The following ITGA10 variants were observed in gnomAD, a reference collection of about 807,000 sequenced individuals.
The protein encoded by ITGA10 is integrin alpha-10.
A neutral mutation model predicts 145.2 loss-of-function variants in ITGA10; 105 were observed. The observed-to-expected ratio is 0.72, with a 90% CI of 0.62 to 0.85. ITGA10 has a LOEUF of 0.85. ITGA10 is among the 40% of genes least tolerant of loss of function. ITGA10 has a pLI of 0.00. For synonymous variants in ITGA10, 506 were observed against 557.8 expected (o/e 0.91, Z 1.31); for missense variants, 1,317 against 1,444.5 (o/e 0.91, Z 1.43).
rs782328114 is a variant in ITGA10 at position 145,900,868 on chromosome 1, C to T, written c.1713G>A (p.Ala571=). The change falls in exon 14 of 30, where the codon GCG becomes GCA. Residue 571 remains alanine (A), a synonymous_variant. Coordinates refer to ENST00000369304, the MANE Select transcript of ITGA10 (RefSeq NM_003637.5). ...CTCCCTGGTGCCCATCTTCCAGAGG[C>T]GCCCCCACAGCCACATCAGCAAAAC... ...QDGFADVAVG[A]PLEDGHQGAL... 1.3e-5 allele frequency: 21 copies of T among 1,613,974 alleles called. No homozygotes were observed. Among genetic ancestry groups the T allele is most frequent in the East Asian group, 4.5e-5 (2 of 44,894 alleles).
chr1:145,907,483 T>C lies in ITGA10; in HGVS notation c.53-18A>G. 2 of 1,613,826 alleles carry C rather than the reference T, an allele frequency of 1.2e-6. No individual in the cohort carries two copies. Among genetic ancestry groups the C allele is most frequent in the Non-Finnish European group, 1.7e-6 (2 of 1,179,940 alleles). On this transcript the variant is annotated intron_variant, in intron 1 of 29. Transcript: ENST00000369304. ...GCAGAGACCTGTGGGGTCAGGATCA[T>C]AATGTTAGTATGAGGTAGTGAATGG...
chr1:145,904,751 CA>C lies in ITGA10; in HGVS notation c.541del (p.Trp181GlyfsTer12), dbSNP rs1656884964. On this transcript the variant is annotated frameshift_variant, in exon 6 of 30. Coordinates refer to ENST00000369304, the MANE Select transcript of ITGA10 (RefSeq NM_003637.5). LOFTEE classifies it high-confidence loss of function. ...TCGTAGGAAGGTCTGAACTTCAGACCAGGGGTAGATGCTGTTGGAGCCATCC... is the reference window on the plus strand; with the variant it reads ...TCGTAGGAAGGTCTGAACTTCAGACCGGGGTAGATGCTGTTGGAGCCATCC... ...VLDGSNSIYPWSEVQTFLRRL... is the reference protein window; with the variant it reads ...VLDGSNSIYPXSEVQTFLRRL... 1.2e-6 allele frequency: 2 copies of C among 1,613,822 alleles called. No homozygotes were observed. Among genetic ancestry groups the C allele is most frequent in the Admixed American group, 1.7e-5 (1 of 60,000 alleles).
In ITGA10 at chr1:145,901,626, G is replaced by T. The variant is rs782071962; in HGVS notation, c.1333C>A (p.Arg445Ser). ...CGAGGAGCCCCAGAGAGAAACAGGC[G>T]GCGTCCACCCCGCAAAAGCATGGAA... ...VSSMLLRGGRRLFLSGAPRFR... is the reference protein window; with the variant it reads ...VSSMLLRGGRSLFLSGAPRFR... The change falls in exon 12 of 30, where the codon CGC (arginine) becomes AGC (serine). Residue 445 changes from arginine to serine, a missense_variant. Physicochemically the swap from Arg to Ser is moderately radical, Grantham distance 110 (BLOSUM62 -1). Coordinates refer to ENST00000369304, the MANE Select transcript of ITGA10 (RefSeq NM_003637.5). This position sits in a 1 kb window ranked among gnomAD's most constrained non-coding sequence, Gnocchi z 4.3. The T allele has an allele frequency of 1.3e-6, 2 of 1,592,488 alleles. No individual in the cohort carries two copies. Among genetic ancestry groups the T allele is most frequent in the South Asian group, 2.3e-5 (2 of 87,830 alleles).
rs2101773403 is a variant in ITGA10 at position 145,898,137 on chromosome 1, C to A, written c.2319G>T (p.Glu773Asp). 4 of 1,613,958 alleles carry A rather than the reference C, an allele frequency of 2.5e-6. No homozygotes were observed. Among genetic ancestry groups the A allele is most frequent in the Non-Finnish European group, 3.4e-6 (4 of 1,179,920 alleles). The change falls in exon 18 of 30, where the codon GAG becomes GAT. Residue 773 changes from glutamate to aspartate, a missense_variant. Transcript: ENST00000369304. ...GCTTTTGTATAGAGGTGGGTGAGCC[C>A]TCATTCAGCACAGGCCCTGGCTTTG... ...NTTKPGPVLN[E>D]GSPTSIQKLV...
Position 145,895,984 on chromosome 1 carries a change from T to C in ITGA10, c.3032A>G (p.Asn1011Ser). 2 of 1,608,710 alleles carry C rather than the reference T, an allele frequency of 1.2e-6. No individual in the cohort carries two copies. Among genetic ancestry groups the C allele is most frequent in the Non-Finnish European group, 1.7e-6 (2 of 1,175,108 alleles). The change falls in exon 25 of 30, where the codon AAT becomes AGT. Residue 1011 changes from asparagine to serine, a missense_variant and splice_region_variant. Coordinates refer to ENST00000369304, the MANE Select transcript of ITGA10 (RefSeq NM_003637.5). The part of the protein sequence containing the change: ...FLSLSQVITN[N>S]ASCIVQNLTE... Reference sequence around the variant, plus strand: ...CATGCCCTCCTAGACCAGACTCACATTGTTAGTGATGACTTGAGACAGTGA... The same window carrying C: ...CATGCCCTCCTAGACCAGACTCACACTGTTAGTGATGACTTGAGACAGTGA...
intron 1 of ITGA10, among the ~76,000 whole-genome samples, chr1:145,908,070 A>C (rs184742730): frequency 2.0e-5 from 3 of 151,634 alleles, no homozygotes; most frequent in Admixed American, 2.0e-4. Flanking sequence ...GCGCCTGGCT[A>C]CTCTTTTCCA....
intron 1 of ITGA10, among the ~76,000 whole-genome samples, chr1:145,908,296 C>G (rs1553752058): frequency 6.6e-6 from 1 of 152,172 alleles, no homozygotes; most frequent in Non-Finnish European, 1.5e-5. Flanking sequence ...TTTCCAATGT[C>G]TAGGTCCCTG....
chr1:145,907,671 G>A, intron 1 of ITGA10: 3 of 866,930 alleles, frequency 3.5e-6, no homozygotes, highest in East Asian at 1.2e-4. Flanking sequence ...TGCCTAAACT[G>A]TGGCCCTCTG....
At chr1:145,898,835 G>C in intron 17 of ITGA10, 101 bp downstream of exon 17, 2 of 1,392,906 alleles carry the variant, frequency 1.4e-6, no homozygotes, top group East Asian at 2.3e-5. Flanking sequence ...TCATTTTCCC[G>C]GCTTTGGCTT....
At chr1:145,909,421 A>AT (rs200728420) in intron 1 of ITGA10, among the ~76,000 whole-genome samples, 8,201 of 140,592 alleles carry the variant, frequency 0.058, 1,118 homozygotes, top group African/African-American at 0.22. Context: ...AAAAATAATA[A>AT]TAATTATTAT....
rs782801868 is a variant in ITGA10 at position 145,904,101 on chromosome 1, G to A, written c.709C>T (p.Arg237Trp). The A allele has an allele frequency of 1.1e-5, 17 of 1,613,938 alleles. No homozygotes were observed. The highest frequency in any genetic ancestry group is 8.9e-5 in the East Asian group (4 of 44,886). ...GTCTTTGTTTCTCGTCCCTCCCGCC[G>A]ACTGAGGTTCTTTGCTGCTCTCACC... is the stretch of plus-strand genomic sequence containing the variant. Reference protein sequence around the residue: ...EVVRAAKNLSRREGRETKTAQ... With the variant: ...EVVRAAKNLSWREGRETKTAQ... The change falls in exon 7 of 30, where the codon CGG becomes TGG. Residue 237 changes from arginine (R) to tryptophan (W), a missense_variant. By Grantham distance (101) the Arg-to-Trp change is moderately radical. Transcript: ENST00000369304.
chr1:145,896,902 A>C (rs782313820), intron 22 of ITGA10, 44 bp from the exon 23 acceptor site: 1 of 1,556,448 alleles, frequency 6.4e-7, no homozygotes. Flanking sequence ...ACCCCTCCTC[A>C]GAAGACACCC....
At chr1:145,899,151 C>T (rs1655871367) in intron 16 of ITGA10, 24 bp downstream of exon 16, 2 of 1,614,068 alleles carry the variant, frequency 1.2e-6, no homozygotes, top group Non-Finnish European at 1.7e-6. Context: ...TGAGAGTTGC[C>T]TGTGATGCAT....
chr1:145,897,597 A>G lies in ITGA10; in HGVS notation c.2489T>C (p.Leu830Pro). The change falls in exon 20 of 30, where the codon CTG becomes CCG. Residue 830 changes from leucine to proline, a missense_variant. Physicochemically the swap from Leu to Pro is moderately conservative, Grantham distance 98. Coordinates refer to ENST00000369304, the MANE Select transcript of ITGA10 (RefSeq NM_003637.5). ...GRRKVLVSTT[L>P]ENRKENAYNT... ...GTAAGCATTTTCCTTTCTGTTCTCC[A>G]GAGTTGTAGATACCAGCACTTTCCG... 6.2e-7 allele frequency: 1 copy of G among 1,614,118 alleles called. No homozygotes were observed. Among genetic ancestry groups the G allele is most frequent in the Non-Finnish European group, 8.5e-7 (1 of 1,180,026 alleles).
In ITGA10 at chr1:145,902,503, A is replaced by G; in HGVS notation, c.1026T>C (p.Ala342=). Reference sequence around the variant, plus strand: ...CTAGTGCATCCACAATGTCAGTCAGAGCAGCCTCATCTGTGACATTGAAGA... The same window carrying G: ...CTAGTGCATCCACAATGTCAGTCAGGGCAGCCTCATCTGTGACATTGAAGA... The part of the protein sequence containing the change: ...RFFFNVTDEA[A]LTDIVDALGD... Residue 342 remains alanine, a synonymous_variant, in exon 9 of 30, where the codon GCT becomes GCC. Coordinates refer to ENST00000369304, the MANE Select transcript of ITGA10 (RefSeq NM_003637.5). 1 of 1,613,740 alleles carries G rather than the reference A, an allele frequency of 6.2e-7. No individual in the cohort carries two copies. The highest frequency in any genetic ancestry group is 8.5e-7 in the Non-Finnish European group (1 of 1,179,826).
intron 1 of ITGA10, among the ~76,000 whole-genome samples, chr1:145,908,186 T>C (rs1657416268): frequency 6.6e-6 from 1 of 151,620 alleles, no homozygotes; most frequent in Admixed American, 6.6e-5. Flanking sequence ...CTCCCCAAAA[T>C]AGGGGGAATG....
chr1:145,910,042 A>T lies in ITGA10; in HGVS notation c.-28T>A, dbSNP rs1161754662. On this transcript the variant is annotated 5_prime_UTR_variant, in exon 1 of 30. Coordinates refer to ENST00000369304, the MANE Select transcript of ITGA10 (RefSeq NM_003637.5). ...CTGATCGGTTTCTGTCCAGTATGAG[A>T]AGTCCTCTGGCCTCTGTCCCTCTCC... The T allele has an allele frequency of 6.3e-7, 1 of 1,596,080 alleles. No individual in the cohort carries two copies. Among genetic ancestry groups the T allele is most frequent in the African/African-American group, 1.3e-5 (1 of 74,424 alleles).
chr1:145,897,962 G>C (rs1655676637), intron 18 of ITGA10, 62 bp from the exon 19 acceptor site: 2 of 1,459,202 alleles, frequency 1.4e-6, no homozygotes, highest in South Asian at 2.3e-5. Context: ...AATAGAATAG[G>C]GGGAAAGTGA....
chr1:145,893,674 C>T, intron 27 of ITGA10, 39 bp from the exon 28 acceptor site: 3 of 1,495,618 alleles, frequency 2.0e-6, no homozygotes, highest in Non-Finnish European at 1.8e-6. Context: ...TAAAATGAGC[C>T]ATTATCAGGT....
Sources: allele counts gnomAD v4.1 joint callset (sites outside exome capture counted in the v4.1 genomes callset), GRCh38; gene constraint gnomAD v4.1.1; non-coding constraint Gnocchi (gnomAD v3.1); transcripts MANE v1.5; gene names NCBI Gene and HGNC (gene_info 2026-07-23, HGNC 2026-07-21).